MACROD2: variants seen among roughly 807,000 people sequenced by gnomAD.
MACROD2 encodes ADP-ribose glycohydrolase MACROD2.
In MACROD2, 36 loss-of-function variants were observed where a neutral mutation model predicts 70.4. That is an observed-to-expected ratio of 0.51 (90% CI 0.39 to 0.68). The LOEUF (loss-of-function observed/expected upper bound fraction) is 0.68, where lower values mean the gene tolerates loss of function less well. Ranked by LOEUF, MACROD2 falls within the 30% of genes least tolerant of loss-of-function variation. MACROD2 has a pLI of 0.00. For synonymous variants in MACROD2, 172 were observed against 178.8 expected, an observed-to-expected ratio of 0.96 and a Z score of 0.30; for missense variants, 496 against 538.4, an observed-to-expected ratio of 0.92 and a Z score of 0.78.
rs918132437 is a variant in MACROD2, at chr20:15,425,038, C to T, written c.541-6367C>T. Among the ~76,000 whole-genome samples the T allele has an allele frequency of 2.0e-5, 3 of 152,194 alleles. No individual in the cohort carries two copies. The East Asian group carries it at 5.8e-4, about 29-fold the overall frequency. ...AGCTCTGGCATGAAAAAAGAAAGAG[C>T]TACGCGCAAAACTTTCAGAGAGGGT... is the stretch of plus-strand genomic sequence containing the variant. On this transcript the variant is annotated intron_variant, in intron 6 of 17. Transcript: ENST00000684519.
chr20:15,471,382 A>G (rs2046962517), intron 7 of MACROD2, among the ~76,000 whole-genome samples: 1 of 152,190 alleles, frequency 6.6e-6, no homozygotes. Flanking sequence ...TACTCATTAT[A>G]CCACCCATTG....
chr20:14,145,267 A>AG (rs2054930032), intron 3 of MACROD2, among the ~76,000 whole-genome samples: 2 of 152,132 alleles, frequency 1.3e-5, no homozygotes, highest in South Asian at 4.1e-4. Flanking sequence ...GCCTTTTTCT[A>AG]CATGTTCTAA....
chr20:15,554,502 A>G (rs569624681), intron 8 of MACROD2, among the ~76,000 whole-genome samples: 3 of 150,964 alleles, frequency 2.0e-5, no homozygotes, highest in African/African-American at 4.9e-5. Context: ...TAAGTTTCAT[A>G]TTTTTGGCTT....
At chr20:14,474,665 A>G (rs2084569028) in intron 3 of MACROD2, among the ~76,000 whole-genome samples, 1 of 152,098 alleles carries the variant, frequency 6.6e-6, no homozygotes, top group Non-Finnish European at 1.5e-5. Flanking sequence ...TGTTGGGTGC[A>G]TACATATTTA....
At chr20:15,075,820 A>G (rs1266456415) in intron 5 of MACROD2, among the ~76,000 whole-genome samples, 1 of 152,180 alleles carries the variant, frequency 6.6e-6, no homozygotes, top group African/African-American at 2.4e-5. Flanking sequence ...TGACCACTGC[A>G]GGGTAGAGAA....
At chr20:14,427,525 C>T (rs920698231) in intron 3 of MACROD2, among the ~76,000 whole-genome samples, 23 of 151,192 alleles carry the variant, frequency 1.5e-4, no homozygotes, top group African/African-American at 5.6e-4. Flanking sequence ...ATATAATATA[C>T]ATGTAACATA....
At chr20:14,666,651 C>T (rs1220653790) in intron 4 of MACROD2, among the ~76,000 whole-genome samples, 2 of 151,860 alleles carry the variant, frequency 1.3e-5, no homozygotes, top group South Asian at 4.2e-4. Context: ...TTATTTATGT[C>T]CCCAGCGCTT....
At chr20:14,274,800 C>T (rs2082234347) in intron 3 of MACROD2, among the ~76,000 whole-genome samples, 1 of 151,436 alleles carries the variant, frequency 6.6e-6, no homozygotes, top group Non-Finnish European at 1.5e-5. Flanking sequence ...TCAGCAAAGT[C>T]TCAGGATACA....
At chr20:14,013,942 T>A (rs555945737) in intron 2 of MACROD2, among the ~76,000 whole-genome samples, 1 of 152,282 alleles carries the variant, frequency 6.6e-6, no homozygotes, top group African/African-American at 2.4e-5. Flanking sequence ...CCAAGGAAGC[T>A]TGTTTTTAAA....
chr20:15,578,777 C>T (rs143072143), intron 8 of MACROD2, among the ~76,000 whole-genome samples: 30 of 152,126 alleles, frequency 2.0e-4, no homozygotes, highest in East Asian at 7.7e-4. Flanking sequence ...TCATTACTTA[C>T]GACTATGCAT....
intron 3 of MACROD2, among the ~76,000 whole-genome samples, chr20:14,310,644 A>G (rs1371540494): frequency 2.6e-5 from 4 of 152,090 alleles, no homozygotes; most frequent in African/African-American, 9.7e-5. Context: ...TTTTAAGTTA[A>G]CTGTAAAACA....
intron 6 of MACROD2, among the ~76,000 whole-genome samples, chr20:15,238,380 T>G (rs2077032643): frequency 6.6e-6 from 1 of 152,044 alleles, no homozygotes; most frequent in East Asian, 1.9e-4. Flanking sequence ...TAGTTAAAGT[T>G]TTTTCAAGAT....
chr20:14,325,835 G>A (rs2082723951), intron 3 of MACROD2: 2 of 1,613,902 alleles, frequency 1.2e-6, no homozygotes, highest in East Asian at 2.2e-5. Flanking sequence ...CTTGAGAAGA[G>A]CGATCCATTC....
chr20:15,852,054 T>C (rs1316319214), intron 8 of MACROD2, among the ~76,000 whole-genome samples: 3 of 152,210 alleles, frequency 2.0e-5, no homozygotes, highest in African/African-American at 7.2e-5. Context: ...TGTGCTAGAA[T>C]ATAGAACGGC....
intron 6 of MACROD2, among the ~76,000 whole-genome samples, chr20:15,350,592 G>A (rs138336587): frequency 1.8e-4 from 28 of 152,256 alleles, no homozygotes; most frequent in African/African-American, 6.7e-4. Flanking sequence ...TGAGCATTAT[G>A]CAGAGTAATT....
chr20:15,818,730 C>T (rs559555079), intron 8 of MACROD2, among the ~76,000 whole-genome samples: 1 of 152,270 alleles, frequency 6.6e-6, no homozygotes, highest in South Asian at 2.1e-4. Flanking sequence ...GTTGAAACTC[C>T]TCTGAAAAGA....
chr20:15,988,643 C>T (rs2147474014), intron 15 of MACROD2, among the ~76,000 whole-genome samples: 1 of 152,162 alleles, frequency 6.6e-6, no homozygotes, highest in African/African-American at 2.4e-5. Context: ...CAATCTTTTT[C>T]TGATAATGGT....
intron 5 of MACROD2, among the ~76,000 whole-genome samples, chr20:14,956,095 C>G (rs1279807126): frequency 6.7e-6 from 1 of 150,324 alleles, no homozygotes; most frequent in African/African-American, 2.5e-5. Context: ...TTGTTTTTAA[C>G]CTAGTACTAA....
intron 5 of MACROD2, among the ~76,000 whole-genome samples, chr20:14,721,058 C>T (rs1034956243): frequency 6.6e-6 from 1 of 151,692 alleles, no homozygotes; most frequent in Admixed American, 6.6e-5. Context: ...AGTTAGCGAC[C>T]AGCCTGGGCA....
Sources: allele counts gnomAD v4.1 joint callset (sites outside exome capture counted in the v4.1 genomes callset), GRCh38; gene constraint gnomAD v4.1.1; transcripts MANE v1.5; gene names NCBI Gene and HGNC (gene_info 2026-07-23, HGNC 2026-07-21).